The following PCDHA3 variants were observed in gnomAD, a reference collection of about 807,000 sequenced individuals.
PCDHA3 encodes the protein protocadherin alpha 3, also known as protocadherin alpha-3.
A neutral mutation model predicts 62.2 loss-of-function variants in PCDHA3; 41 were observed. That is an observed-to-expected ratio of 0.66 (90% CI 0.51 to 0.86). PCDHA3 has a LOEUF of 0.86. PCDHA3 is among the 40% of genes least tolerant of loss of function. The probability of loss-of-function intolerance (pLI) is 0.00; values close to 1 mark genes in which losing one functional copy is unlikely to be tolerated. For missense variants in PCDHA3, 1,304 were observed against 1,241.2 expected (o/e 1.05, Z -0.76); for synonymous variants, 640 against 555.4 (o/e 1.15, Z -2.14).
intron 1 of PCDHA3, chr5:140,865,473 G>C (rs1425429584): frequency 6.6e-6 from 1 of 152,122 alleles, no homozygotes; most frequent in African/African-American, 2.4e-5. Context: ...TAAACATTAA[G>C]GAAATCTTCA....
chr5:141,000,972 CT>C (rs2097980392), intron 3 of PCDHA3, among the ~76,000 whole-genome samples: 1 of 151,780 alleles, frequency 6.6e-6, no homozygotes, highest in Non-Finnish European at 1.5e-5. Context: ...CTTCATATTC[CT>C]TTTTTATAAA....
chr5:140,871,702 T>C, intron 1 of PCDHA3: 1 of 877,954 alleles, frequency 1.1e-6, no homozygotes, highest in Non-Finnish European at 1.7e-6. Flanking sequence ...CTTTAACCAA[T>C]AAATGTCCTA....
chr5:140,849,984 C>T (rs2150461471), intron 1 of PCDHA3: 2 of 1,597,296 alleles, frequency 1.3e-6, no homozygotes, highest in Non-Finnish European at 1.7e-6. Flanking sequence ...GCTGGTGGAG[C>T]GGCGGTTGGG....
chr5:140,900,634 A>G (rs918199903), intron 1 of PCDHA3, among the ~76,000 whole-genome samples: 7 of 152,152 alleles, frequency 4.6e-5, no homozygotes, highest in Non-Finnish European at 1.0e-4. Flanking sequence ...AATCTTGGCT[A>G]TTGTGAACAC....
intron 1 of PCDHA3, among the ~76,000 whole-genome samples, chr5:140,940,595 G>A (rs1233586288): frequency 2.0e-5 from 3 of 152,100 alleles, no homozygotes; most frequent in East Asian, 1.9e-4. Context: ...TTTCAGGCAT[G>A]AGCCGCTGCT....
At chr5:140,946,574 G>C (rs246054) in intron 1 of PCDHA3, among the ~76,000 whole-genome samples, 17 of 145,538 alleles carry the variant, frequency 1.2e-4, no homozygotes, top group African/African-American at 4.5e-4. Flanking sequence ...AATCAACTTA[G>C]GTGTTCATAG....
chr5:141,009,501 C>T (rs2098410009), intron 3 of PCDHA3, 126 bp from the exon 4 acceptor site: 4 of 1,492,480 alleles, frequency 2.7e-6, no homozygotes, highest in Non-Finnish European at 3.6e-6. Context: ...CAGACTTGAA[C>T]AAACAACTCG....
At chr5:141,000,944 T>C (rs2097977292) in intron 3 of PCDHA3, among the ~76,000 whole-genome samples, 1 of 152,196 alleles carries the variant, frequency 6.6e-6, no homozygotes, top group Non-Finnish European at 1.5e-5. Flanking sequence ...GGACAAATTA[T>C]CTTGCTGTAA....
At chr5:140,934,196 C>T in intron 1 of PCDHA3, among the ~76,000 whole-genome samples, 1 of 152,068 alleles carries the variant, frequency 6.6e-6, no homozygotes, top group East Asian at 1.9e-4. Context: ...CTTTTCATTT[C>T]TATTTCCTCA....
chr5:140,939,551 G>A (rs2092410878), intron 1 of PCDHA3, among the ~76,000 whole-genome samples: 1 of 151,156 alleles, frequency 6.6e-6, no homozygotes, highest in African/African-American at 2.5e-5. Flanking sequence ...ATTTCTTGTT[G>A]TATTAGTTTG....
At chr5:140,924,675 A>G (rs2081950007) in intron 1 of PCDHA3, among the ~76,000 whole-genome samples, 1 of 152,152 alleles carries the variant, frequency 6.6e-6, no homozygotes, top group Non-Finnish European at 1.5e-5. Flanking sequence ...CAGGCCAATC[A>G]CTTGAGGTCA....
chr5:140,861,476 C>A, intron 1 of PCDHA3: 2 of 493,220 alleles, frequency 4.1e-6, no homozygotes, highest in Admixed American at 2.1e-5. Flanking sequence ...TGCAGAATGG[C>A]ATTTTTGTGA....
chr5:140,906,258 C>T (rs1162219070), intron 1 of PCDHA3, among the ~76,000 whole-genome samples: 4 of 152,180 alleles, frequency 2.6e-5, no homozygotes, highest in African/African-American at 9.7e-5. Flanking sequence ...TACACACCTC[C>T]TGAAATTATA....
At chr5:140,858,685 T>C in intron 1 of PCDHA3, 1 of 595,990 alleles carries the variant, frequency 1.7e-6, no homozygotes, top group Non-Finnish European at 2.8e-6. Flanking sequence ...AATACACTAA[T>C]ATTTTCCAAT....
chr5:140,926,745 C>T (rs1344644551), intron 1 of PCDHA3: 3 of 1,219,360 alleles, frequency 2.5e-6, no homozygotes, highest in Non-Finnish European at 3.2e-6. Flanking sequence ...GGCGCAACGT[C>T]GGCGGTCGCT....
intron 1 of PCDHA3, chr5:140,855,998 G>T: frequency 6.6e-7 from 1 of 1,511,404 alleles, no homozygotes; most frequent in Non-Finnish European, 8.9e-7. Flanking sequence ...CAGATCGTAT[G>T]TGCGTTCTAG....
At chr5:141,008,431 C>T (rs1192058423) in intron 3 of PCDHA3, among the ~76,000 whole-genome samples, 1 of 152,140 alleles carries the variant, frequency 6.6e-6, no homozygotes, top group Non-Finnish European at 1.5e-5. Flanking sequence ...GATCACTTTG[C>T]CCAGACAGAC....
chr5:140,883,640 C>G (rs143631680), intron 1 of PCDHA3: 2 of 1,613,958 alleles, frequency 1.2e-6, no homozygotes, highest in Non-Finnish European at 1.7e-6. Context: ...GTTCGCGCAG[C>G]CCGAGTACAC....
chr5:140,805,216 T>G, intron 1 of PCDHA3: 4 of 1,417,732 alleles, frequency 2.8e-6, no homozygotes, highest in Non-Finnish European at 3.7e-6. Context: ...TAAACATTGT[T>G]TTCTATTCTG....
Sources: gnomAD v4.1 joint callset for allele counts (sites outside exome capture counted in the v4.1 genomes callset) on GRCh38, gnomAD v4.1.1 for gene constraint, MANE v1.5 for transcripts, NCBI Gene and HGNC (gene_info 2026-07-23, HGNC 2026-07-21) for gene names.